Variants in POLE observed in about 807,000 individuals in gnomAD.
POLE encodes DNA polymerase epsilon, catalytic subunit, also known as DNA polymerase epsilon catalytic subunit A.
In POLE, 188 loss-of-function variants were observed where a neutral mutation model predicts 279.2. That is an observed-to-expected ratio of 0.67 (90% CI 0.60 to 0.76). POLE has a LOEUF of 0.76. Ranked by LOEUF, POLE falls within the 30% of genes least tolerant of loss-of-function variation. The probability of loss-of-function intolerance (pLI) is 0.00; values close to 1 mark genes in which losing one functional copy is unlikely to be tolerated. For synonymous variants in POLE, 1,214 were observed against 1,172.5 expected, an observed-to-expected ratio of 1.04 and a Z score of -0.72; for missense variants, 2,703 against 3,016.7, an observed-to-expected ratio of 0.90 and a Z score of 2.44.
intron 16 of POLE, among the ~76,000 whole-genome samples, chr12:132,671,740 GAGA>G (rs1040341792): frequency 2.0e-5 from 3 of 147,454 alleles, no homozygotes; most frequent in Non-Finnish European, 3.0e-5. Flanking sequence ...ACAGGGATCA[GAGA>G]AGAACTGGTG....
Position 132,657,295 on chromosome 12 carries a change from G to C in POLE, c.3460-37C>G, listed in dbSNP as rs765548081. 3.7e-5 allele frequency: 59 copies of C among 1,613,918 alleles called. No homozygotes were observed. In the Middle Eastern group the frequency reaches 4.9e-4, roughly 13 times the overall value. On this transcript the variant is annotated intron_variant, in intron 28 of 48. Coordinates refer to ENST00000320574, the MANE Select transcript of POLE (RefSeq NM_006231.4). ...CAACACCCATCAGAGAGAGACCCTT[G>C]TCTAACTGCACAGTTTTTAGCCCCA...
chr12:132,681,376 C>G (rs2043165730), intron 1 of POLE, 97 bp from the exon 2 acceptor site: 1 of 1,313,944 alleles, frequency 7.6e-7, no homozygotes, highest in East Asian at 2.4e-5. Flanking sequence ...CGGAGTCTTG[C>G]TCTGTCGCCT....
Position 132,632,768 on chromosome 12 carries a change from A to C in POLE, c.6032T>G (p.Met2011Arg), listed in dbSNP as rs2041961084. 1 of 1,611,454 alleles carries C rather than the reference A, an allele frequency of 6.2e-7. No homozygotes were observed. Among genetic ancestry groups the C allele is most frequent in the South Asian group, 1.1e-5 (1 of 91,040 alleles). The change falls in exon 44 of 49, where the codon ATG becomes AGG. Residue 2011 changes from methionine to arginine, a missense_variant. Around this residue, in one of 5 missense-constraint regions of POLE, gnomAD observed 1,551 missense variants for 1,686.1 expected, o/e 0.92. Coordinates refer to ENST00000320574, the MANE Select transcript of POLE (RefSeq NM_006231.4). Reference sequence around the variant, plus strand: ...AGCACTGCGCCTCAGCCCGTCCTTCATGCAGTGGTACACGGCCACGATGTA... The same window carrying C: ...AGCACTGCGCCTCAGCCCGTCCTTCCTGCAGTGGTACACGGCCACGATGTA... ...SAYIVAVYHC[M>R]KDGLRRSAPG...
chr12:132,625,114 T>G, intron 47 of POLE, 120 bp from the exon 48 acceptor site: 2 of 749,950 alleles, frequency 2.7e-6, no homozygotes, highest in Non-Finnish European at 2.3e-6. Context: ...GAGCCCCTGC[T>G]GTGTGCAGCC....
rs1256733397 is a variant in POLE, at chr12:132,668,977, A to C, written c.1795-38T>G. The stretch of plus-strand genomic sequence containing the variant: ...CGAAACTCAGTAGAGGCTGGTGACC[A>C]AGCTTGCCTCGTGTGCAGTTCACCA... On this transcript the variant is annotated intron_variant, in intron 16 of 48. Transcript: ENST00000320574. This position sits in a 1 kb window ranked among gnomAD's most constrained non-coding sequence, Gnocchi z 4.0. 2 of 1,599,452 alleles carry C rather than the reference A, an allele frequency of 1.3e-6. No homozygotes were observed. Among genetic ancestry groups the C allele is most frequent in the African/African-American group, 1.3e-5 (1 of 74,658 alleles).
intron 1 of POLE, among the ~76,000 whole-genome samples, chr12:132,681,809 G>A (rs1489571376): frequency 1.6e-4 from 25 of 152,156 alleles, no homozygotes; most frequent in Non-Finnish European, 3.2e-4. Flanking sequence ...GTTGCCTCTT[G>A]GGACACTAAA....
At position 132,625,771 on chromosome 12, in the gene POLE, C is replaced by G. The variant is rs749599287; in HGVS notation, c.6532-1G>C. 6.2e-7 allele frequency: 1 copy of G among 1,609,754 alleles called. No homozygotes were observed. ...GCCACTGAGGCAGGACCGCCCCATCCTAGGCAGAGCAAGAGTGCGAGAGGT... is the reference window on the plus strand; with the variant it reads ...GCCACTGAGGCAGGACCGCCCCATCGTAGGCAGAGCAAGAGTGCGAGAGGT... On this transcript the variant is annotated splice_acceptor_variant, in intron 46 of 48. Transcript: ENST00000320574. LOFTEE classifies it high-confidence loss of function.
intron 47 of POLE, 122 bp from the exon 48 acceptor site, chr12:132,625,116 T>C (rs780221714): frequency 1.3e-6 from 1 of 743,390 alleles, no homozygotes; most frequent in South Asian, 1.5e-5. Flanking sequence ...GCCCCTGCTG[T>C]GTGCAGCCAG....
intron 1 of POLE, among the ~76,000 whole-genome samples, chr12:132,683,716 C>G (rs1044156909): frequency 1.3e-5 from 2 of 152,224 alleles, no homozygotes; most frequent in Admixed American, 6.5e-5. Context: ...AACAGGGGCG[C>G]ACGGCCCTCT....
intron 5 of POLE, 42 bp from the exon 6 acceptor site, chr12:132,679,693 A>G (rs367968396): frequency 1.3e-6 from 2 of 1,587,622 alleles, no homozygotes; most frequent in African/African-American, 2.7e-5. Flanking sequence ...CAAGAGAAAT[A>G]GGACTTTATG....
intron 45 of POLE, among the ~76,000 whole-genome samples, chr12:132,631,830 C>T (rs887757153): frequency 6.6e-6 from 1 of 152,186 alleles, no homozygotes; most frequent in Admixed American, 6.5e-5. Flanking sequence ...CCCCCAGGGC[C>T]TTTGCGTCTT....
Position 132,659,285 on chromosome 12 carries a change from G to A in POLE, c.3275+10C>T, listed in dbSNP as rs1565955808. Reference sequence around the variant, plus strand: ...AGCCCTCACCTCTCCGTGATGGGGGGAGCCCTCACCTCTCCGTGACAGGGG... The same window carrying A: ...AGCCCTCACCTCTCCGTGATGGGGGAAGCCCTCACCTCTCCGTGACAGGGG... On this transcript the variant is annotated intron_variant, in intron 26 of 48. Coordinates refer to ENST00000320574, the MANE Select transcript of POLE (RefSeq NM_006231.4). The A allele has an allele frequency of 5.0e-6, 8 of 1,612,328 alleles. No individual in the cohort carries two copies. The highest frequency in any genetic ancestry group is 2.2e-5 in the South Asian group (2 of 90,952).
intron 4 of POLE, 29 bp downstream of exon 4, chr12:132,680,149 T>C (rs1178105615): frequency 1.2e-6 from 2 of 1,608,110 alleles, no homozygotes; most frequent in Admixed American, 1.7e-5. Context: ...ACACAGGTCG[T>C]CTGACCTGAG....
In POLE at chr12:132,668,468, C is replaced by A; in HGVS notation, c.2061G>T (p.Gln687His). ...PASRSEYHRIQHQLESEKFPP... is the reference protein window; with the variant it reads ...PASRSEYHRIHHQLESEKFPP... Reference sequence around the variant, plus strand: ...GGAACTTCTCTGACTCCAGCTGGTGCTGGATCCGATGGTATTCGCTGCGAC... The same window carrying A: ...GGAACTTCTCTGACTCCAGCTGGTGATGGATCCGATGGTATTCGCTGCGAC... Residue 687 changes from glutamine (Q) to histidine (H), a missense_variant, in exon 19 of 49, where the codon CAG (glutamine) becomes CAT (histidine). By Grantham distance (24) the Gln-to-His change is conservative. Coordinates refer to ENST00000320574, the MANE Select transcript of POLE (RefSeq NM_006231.4). This position sits in a 1 kb window ranked among gnomAD's most constrained non-coding sequence, Gnocchi z 4.0. 1 of 1,608,904 alleles carries A rather than the reference C, an allele frequency of 6.2e-7. No homozygotes were observed. The highest frequency in any genetic ancestry group is 8.5e-7 in the Non-Finnish European group (1 of 1,177,508).
Position 132,666,186 on chromosome 12 carries a change from G to A in POLE, c.2320-736C>T, listed in dbSNP as rs573736132. On this transcript the variant is annotated intron_variant, in intron 20 of 48. Coordinates refer to ENST00000320574, the MANE Select transcript of POLE (RefSeq NM_006231.4). ...GGTGGAAGCAACCCAAGTGCACGTCGGTGTATGAAGGATAGACAAAATGTG... is the reference window on the plus strand; with the variant it reads ...GGTGGAAGCAACCCAAGTGCACGTCAGTGTATGAAGGATAGACAAAATGTG... 2.6e-5 allele frequency among the ~76,000 whole-genome samples: 4 copies of A among 152,258 alleles called. No individual in the cohort carries two copies. The South Asian group carries it at 8.3e-4, about 32-fold the overall frequency.
chr12:132,637,832 G>A (rs1224194473), intron 41 of POLE, among the ~76,000 whole-genome samples, 182 bp downstream of exon 41: 1 of 152,168 alleles, frequency 6.6e-6, no homozygotes, highest in Non-Finnish European at 1.5e-5. Flanking sequence ...AGTGGCCTCC[G>A]ATCTGCTACC....
At chr12:132,667,365 C>T in intron 20 of POLE, 138 bp downstream of exon 20, 1 of 917,026 alleles carries the variant, frequency 1.1e-6, no homozygotes, top group Non-Finnish European at 1.7e-6. Flanking sequence ...TCTTCCAAGT[C>T]AAAAACAATT....
chr12:132,652,314 CTTTTTTTTT>C (rs11449205), intron 29 of POLE, among the ~76,000 whole-genome samples: 6 of 111,184 alleles, frequency 5.4e-5, no homozygotes, highest in Admixed American at 1.1e-4. Context: ...TTGTAGTTTC[CTTTTTTTTT>C]TTTTTTTTTT....
At chr12:132,658,350 C>T (rs547073395) in intron 26 of POLE, 2 of 209,112 alleles carry the variant, frequency 9.6e-6, no homozygotes, top group African/African-American at 4.7e-5. Flanking sequence ...CACGGCATAA[C>T]CATGTGCATG....
Sources: allele counts gnomAD v4.1 joint callset (sites outside exome capture counted in the v4.1 genomes callset), GRCh38; gene constraint gnomAD v4.1.1; regional missense constraint gnomAD v4.1.1; non-coding constraint Gnocchi (gnomAD v3.1); transcripts MANE v1.5; gene names NCBI Gene and HGNC (gene_info 2026-07-23, HGNC 2026-07-21).